Variants in FOCAD observed in about 807,000 individuals in gnomAD.
The protein encoded by FOCAD is focadhesin.
In FOCAD, 198 loss-of-function variants were observed where a neutral mutation model predicts 225.6. That is an observed-to-expected ratio of 0.88 (90% CI 0.78 to 0.99). The LOEUF (loss-of-function observed/expected upper bound fraction) is 0.99. Ranked by LOEUF, FOCAD falls within the 50% of genes least tolerant of loss-of-function variation. FOCAD has a pLI of 0.00. For missense variants in FOCAD, 2,713 were observed against 2,123.6 expected (o/e 1.28, Z -5.46); for synonymous variants, 897 against 755.0 (o/e 1.19, Z -3.08).
intron 35 of FOCAD, among the ~76,000 whole-genome samples, chr9:20,953,664 G>T (rs931483918): frequency 6.6e-6 from 1 of 152,170 alleles, no homozygotes; most frequent in Non-Finnish European, 1.5e-5. Context: ...TTGAATAAAT[G>T]CTCCTTAATA....
At chr9:20,785,155 C>T (rs1205121795) in intron 10 of FOCAD, among the ~76,000 whole-genome samples, 1 of 152,020 alleles carries the variant, frequency 6.6e-6, no homozygotes, top group African/African-American at 2.4e-5. Flanking sequence ...CTCATTTTAC[C>T]TAAGAGTTAA....
Position 20,720,440 on chromosome 9 carries a change from G to T in FOCAD, c.193G>T (p.Ala65Ser). Reference protein sequence around the residue: ...CCSDNVVVRTACCEGLVALVA... With the variant: ...CCSDNVVVRTSCCEGLVALVA... ...CAGTGACAATGTAGTGGTTCGAACA[G>T]CCTGCTGTGAAGGTCTGGTGGCACT... The change falls in exon 4 of 44, where the codon GCC becomes TCC. Residue 65 changes from alanine (A) to serine (S), a missense_variant. Transcript: ENST00000338382. 6.2e-7 allele frequency: 1 copy of T among 1,614,130 alleles called. No individual in the cohort carries two copies. The highest frequency in any genetic ancestry group is 8.5e-7 in the Non-Finnish European group (1 of 1,180,008).
chr9:20,763,584 A>G (rs1220560114), intron 6 of FOCAD, among the ~76,000 whole-genome samples: 1 of 152,246 alleles, frequency 6.6e-6, no homozygotes, highest in African/African-American at 2.4e-5. Context: ...AGATAACTGA[A>G]GGATGATAGA....
chr9:20,715,921 T>C (rs902498165), intron 2 of FOCAD, among the ~76,000 whole-genome samples: 3 of 152,238 alleles, frequency 2.0e-5, no homozygotes, highest in Non-Finnish European at 4.4e-5. Flanking sequence ...AAAACAAAGA[T>C]GGCTTTCTGG....
Position 20,720,470 on chromosome 9 carries a change from G to A in FOCAD, c.223G>A (p.Ala75Thr). 1.2e-6 allele frequency: 2 copies of A among 1,614,068 alleles called. No individual in the cohort carries two copies. The highest frequency in any genetic ancestry group is 1.7e-6 in the Non-Finnish European group (2 of 1,179,960). The change falls in exon 4 of 44, where the codon GCT becomes ACT. Residue 75 changes from alanine to threonine, a missense_variant. Transcript: ENST00000338382. The stretch of plus-strand genomic sequence containing the variant: ...CTGTGAAGGTCTGGTGGCACTCGTT[G>A]CTCAGGATCATGCAGAGTTCAGCTA... ...ACCEGLVALV[A>T]QDHAEFSYVL...
chr9:20,830,811 G>A (rs920551574), intron 15 of FOCAD, among the ~76,000 whole-genome samples: 3 of 151,876 alleles, frequency 2.0e-5, no homozygotes, highest in South Asian at 4.2e-4. Context: ...TGAGTAGCTG[G>A]GACTACAGGT....
intron 19 of FOCAD, among the ~76,000 whole-genome samples, chr9:20,878,762 G>T (rs576376348): frequency 4.6e-5 from 7 of 152,290 alleles, no homozygotes; most frequent in Admixed American, 2.6e-4. Flanking sequence ...TGGAGACTGG[G>T]ATTCTGGTAG....
chr9:20,969,765 G>A (rs1329853912), intron 35 of FOCAD, among the ~76,000 whole-genome samples: 1 of 137,614 alleles, frequency 7.3e-6, no homozygotes, highest in Non-Finnish European at 1.6e-5. Flanking sequence ...ATTTACCTAT[G>A]TAATTACCTT....
chr9:20,779,579 T>G (rs1819155442), intron 9 of FOCAD, among the ~76,000 whole-genome samples: 1 of 151,944 alleles, frequency 6.6e-6, no homozygotes, highest in Admixed American at 6.6e-5. Flanking sequence ...GAAACCCTGT[T>G]TCTACTAAAA....
chr9:20,770,631 A>C (rs571567930), intron 8 of FOCAD, among the ~76,000 whole-genome samples: 2 of 152,326 alleles, frequency 1.3e-5, no homozygotes, highest in South Asian at 4.2e-4. Context: ...ATTTGACATG[A>C]GATTTGGGCA....
chr9:20,769,128 T>A (rs1000143316), intron 7 of FOCAD, among the ~76,000 whole-genome samples: 3 of 151,706 alleles, frequency 2.0e-5, no homozygotes, highest in African/African-American at 7.3e-5. Context: ...TATACCAGAC[T>A]GTTTATTTTT....
intron 1 of FOCAD, among the ~76,000 whole-genome samples, chr9:20,706,129 C>T (rs1278963823): frequency 6.6e-6 from 1 of 151,656 alleles, no homozygotes; most frequent in Non-Finnish European, 1.5e-5. Context: ...GAGATGGAGT[C>T]TCCTTATGTT....
upstream of FOCAD, among the ~76,000 whole-genome samples, chr9:20,683,010 C>T (rs1172270565): frequency 6.6e-6 from 1 of 152,068 alleles, no homozygotes; most frequent in Non-Finnish European, 1.5e-5. Flanking sequence ...TGAACTCCGC[C>T]CTCCTCGGCC....
intron 29 of FOCAD, among the ~76,000 whole-genome samples, chr9:20,945,275 G>A (rs530619944): frequency 1.6e-4 from 25 of 152,294 alleles, no homozygotes; most frequent in South Asian, 1.2e-3. Context: ...TGGAGTTCAT[G>A]TGATCCAGTT....
chr9:20,811,870 T>C (rs1267172899), intron 11 of FOCAD, among the ~76,000 whole-genome samples: 4 of 152,072 alleles, frequency 2.6e-5, no homozygotes, highest in Non-Finnish European at 5.9e-5. Flanking sequence ...CTTCCAATAT[T>C]AAGATTATTA....
upstream of FOCAD, among the ~76,000 whole-genome samples, chr9:20,656,234 T>C (rs1248961549): frequency 6.6e-6 from 1 of 151,182 alleles, no homozygotes; most frequent in Non-Finnish European, 1.5e-5. Flanking sequence ...GGTGTGGTGC[T>C]GAAAAAAATG....
chr9:20,798,002 T>A (rs576715647), intron 11 of FOCAD, among the ~76,000 whole-genome samples: 1 of 152,216 alleles, frequency 6.6e-6, no homozygotes, highest in African/African-American at 2.4e-5. Flanking sequence ...ATAGCTCTTA[T>A]CATTTTTAGA....
intron 21 of FOCAD, among the ~76,000 whole-genome samples, chr9:20,903,940 G>A (rs921307525): frequency 1.3e-5 from 2 of 151,384 alleles, no homozygotes; most frequent in Admixed American, 6.6e-5. Flanking sequence ...CCTCTCCCCC[G>A]GCAGCTACTA....
chr9:20,937,407 C>T, intron 28 of FOCAD, among the ~76,000 whole-genome samples: 1 of 152,110 alleles, frequency 6.6e-6, no homozygotes. Flanking sequence ...CAGAACAGAG[C>T]TCTCAGAAAT....
Sources: allele counts gnomAD v4.1 joint callset (sites outside exome capture counted in the v4.1 genomes callset), GRCh38; gene constraint gnomAD v4.1.1; transcripts MANE v1.5; gene names NCBI Gene and HGNC (gene_info 2026-07-23, HGNC 2026-07-21).